NIPAL2: variants seen among roughly 807,000 people sequenced by gnomAD.
The protein encoded by NIPAL2 is NIPA-like protein 2.
NIPAL2 carries 43 observed loss-of-function variants against 48.9 expected under a neutral mutation model. That is an observed-to-expected ratio of 0.88 (90% CI 0.69 to 1.13). The LOEUF (loss-of-function observed/expected upper bound fraction) is 1.13. Ranked by LOEUF, NIPAL2 falls within the 50% of genes most tolerant of loss-of-function variation. The pLI, the probability that NIPAL2 is intolerant of heterozygous loss-of-function variation, is 0.00. For missense variants in NIPAL2, 446 were observed against 461.4 expected, an observed-to-expected ratio of 0.97 and a Z score of 0.31; for synonymous variants, 167 against 174.6, an observed-to-expected ratio of 0.96 and a Z score of 0.34.
chr8:98,212,536 T>C, intron 5 of NIPAL2, 35 bp from the exon 6 acceptor site: 1 of 1,086,054 alleles, frequency 9.2e-7, no homozygotes, highest in Non-Finnish European at 1.4e-6. Flanking sequence ...AGTAAGTTAT[T>C]CTATGCAAAG....
intron 3 of NIPAL2, among the ~76,000 whole-genome samples, chr8:98,244,335 T>C (rs4735545): frequency 0.084 from 1,648 of 19,622 alleles, 155 homozygotes; most frequent in Middle Eastern, 0.17. Context: ...GGGTAGTCTG[T>C]AATGATGAGA....
intron 4 of NIPAL2, among the ~76,000 whole-genome samples, chr8:98,227,195 A>G (rs946849034): frequency 2.0e-5 from 3 of 152,086 alleles, no homozygotes; most frequent in Non-Finnish European, 4.4e-5. Flanking sequence ...GCCATCTAAG[A>G]GTCAAGACCT....
chr8:98,211,773 T>TGTGTGG (rs1811334156), intron 6 of NIPAL2, among the ~76,000 whole-genome samples: 1 of 98,856 alleles, frequency 1.0e-5, no homozygotes. Flanking sequence ...TGTGTAGGGG[T>TGTGTGG]GGGGGAAAGA....
intron 1 of NIPAL2, among the ~76,000 whole-genome samples, chr8:98,290,074 C>A (rs1816412817): frequency 1.3e-5 from 2 of 152,174 alleles, no homozygotes; most frequent in South Asian, 4.1e-4. Flanking sequence ...TGCAGTTAAA[C>A]CCACTTGCTG....
intron 1 of NIPAL2, among the ~76,000 whole-genome samples, chr8:98,277,662 A>G (rs1191426378): frequency 1.3e-5 from 2 of 152,192 alleles, no homozygotes; most frequent in East Asian, 1.9e-4. Flanking sequence ...TGTCTGTATG[A>G]ATTTGCCTAT....
intron 6 of NIPAL2, among the ~76,000 whole-genome samples, chr8:98,208,649 A>G (rs959998600): frequency 2.0e-5 from 3 of 152,126 alleles, no homozygotes; most frequent in Admixed American, 6.5e-5. Flanking sequence ...GGGTTTCACC[A>G]TGTTGGCCAG....
chr8:98,201,971 A>G (rs1223226758), intron 8 of NIPAL2, among the ~76,000 whole-genome samples: 1 of 152,222 alleles, frequency 6.6e-6, no homozygotes, highest in East Asian at 1.9e-4. Flanking sequence ...TGAGAAATGA[A>G]CTCTCAAGAT....
intron 1 of NIPAL2, among the ~76,000 whole-genome samples, chr8:98,272,287 C>G (rs1194858682): frequency 6.6e-6 from 1 of 152,102 alleles, no homozygotes; most frequent in African/African-American, 2.4e-5. Context: ...AAATGAAGAT[C>G]ATCAAGAGCG....
chr8:98,196,317 C>T (rs895382758), intron 8 of NIPAL2, among the ~76,000 whole-genome samples: 2 of 152,222 alleles, frequency 1.3e-5, no homozygotes, highest in African/African-American at 4.8e-5. Context: ...AAGAAAACAA[C>T]ACTCTAGCAA....
intron 5 of NIPAL2, among the ~76,000 whole-genome samples, chr8:98,221,418 A>G (rs12680664): frequency 6.6e-6 from 1 of 151,868 alleles, no homozygotes; most frequent in Non-Finnish European, 1.5e-5. Context: ...AATTAAAGAT[A>G]TAAAATTTAA....
intron 1 of NIPAL2, 70 bp downstream of exon 1, chr8:98,293,925 CGAGGCGCA>C: frequency 7.8e-7 from 1 of 1,283,978 alleles, no homozygotes; most frequent in South Asian, 2.0e-5. Flanking sequence ...GGAAAGCGGC[CGAGGCGCA>C]GAGGCGCCCG....
At chr8:98,193,457 CT>C (rs763726747) in intron 10 of NIPAL2, 3 of 1,597,368 alleles carry the variant, frequency 1.9e-6, no homozygotes, top group Admixed American at 1.7e-5. Context: ...GAAAAATAGC[CT>C]TTGATAGTGA....
intron 3 of NIPAL2, among the ~76,000 whole-genome samples, chr8:98,242,920 A>G (rs1445943264): frequency 6.6e-6 from 1 of 152,232 alleles, no homozygotes; most frequent in Non-Finnish European, 1.5e-5. Context: ...ATATAAAATT[A>G]TTTGTCAATT....
chr8:98,239,599 T>C (rs1019545359), intron 3 of NIPAL2, among the ~76,000 whole-genome samples: 1 of 152,220 alleles, frequency 6.6e-6, no homozygotes, highest in Non-Finnish European at 1.5e-5. Context: ...TATGCTACTC[T>C]TCCTTTCTGA....
intron 5 of NIPAL2, among the ~76,000 whole-genome samples, chr8:98,221,174 C>T (rs1192734164): frequency 6.6e-6 from 1 of 151,644 alleles, no homozygotes; most frequent in Non-Finnish European, 1.5e-5. Flanking sequence ...TGGGGTTTCA[C>T]CATGTTGGCC....
chr8:98,230,157 G>C (rs1384757837), intron 4 of NIPAL2, among the ~76,000 whole-genome samples: 1 of 152,098 alleles, frequency 6.6e-6, no homozygotes, highest in African/African-American at 2.4e-5. Context: ...CCACTGAATG[G>C]ACAGCTCAGG....
rs187903312 is a variant in NIPAL2 at position 98,213,170 on chromosome 8, G to A, written c.559-669C>T. On this transcript the variant is annotated intron_variant, in intron 5 of 10. Transcript: ENST00000430223. Reference sequence around the variant, plus strand: ...AACAGAACGTACCGACACCTCTGAAGTCTCTCATGTGCCCCTCTCCAGCTG... The same window carrying A: ...AACAGAACGTACCGACACCTCTGAAATCTCTCATGTGCCCCTCTCCAGCTG... Among the ~76,000 whole-genome samples the A allele has an allele frequency of 2.2e-3, 333 of 152,272 alleles. 3 individuals are homozygous for A. Among genetic ancestry groups the A allele is most frequent in the African/African-American group, 7.7e-3 (321 of 41,544 alleles).
At chr8:98,286,821 A>G (rs1816196833) in intron 1 of NIPAL2, among the ~76,000 whole-genome samples, 2 of 147,654 alleles carry the variant, frequency 1.4e-5, no homozygotes, top group African/African-American at 5.2e-5. Context: ...TCAAAAAAAA[A>G]AAAAAAAAAA....
chr8:98,208,241 A>G (rs567742294), intron 6 of NIPAL2, among the ~76,000 whole-genome samples: 1 of 152,250 alleles, frequency 6.6e-6, no homozygotes, highest in South Asian at 2.1e-4. Context: ...ACATGTGCTG[A>G]CCTGTTTTTG....
Sources: allele counts gnomAD v4.1 joint callset (sites outside exome capture counted in the v4.1 genomes callset), GRCh38; gene constraint gnomAD v4.1.1; transcripts MANE v1.5; gene names NCBI Gene and HGNC (gene_info 2026-07-23, HGNC 2026-07-21).